Variants in MAPK10 observed in about 807,000 individuals in gnomAD.
MAPK10 encodes the protein mitogen-activated protein kinase 10.
Under a neutral mutation model 59.3 loss-of-function variants are expected in MAPK10, and 25 were observed. The observed-to-expected ratio is 0.42, with a 90% CI of 0.31 to 0.59. The LOEUF (loss-of-function observed/expected upper bound fraction) is 0.59. Among genes scored for constraint, MAPK10 ranks in the 20% least tolerant of loss-of-function variants. The pLI is 0.15. For synonymous variants in MAPK10, 190 were observed against 200.5 expected (o/e 0.95, Z 0.44); for missense variants, 351 against 568.9 (o/e 0.62, Z 3.90).
intron 3 of MAPK10, chr4:86,193,741 GC>G: frequency 6.4e-6 from 1 of 157,476 alleles, no homozygotes; most frequent in Non-Finnish European, 1.4e-5. Context: ...CCTGGCTTCA[GC>G]CCCCTTTCCA....
chr4:86,236,731 G>A (rs1411285507), intron 2 of MAPK10, among the ~76,000 whole-genome samples: 1 of 152,172 alleles, frequency 6.6e-6, no homozygotes, highest in African/African-American at 2.4e-5. Flanking sequence ...TGGTTGAAGA[G>A]GGACTTAGTA....
At chr4:86,504,221 C>T (rs1471313639) in intron 1 of MAPK10, among the ~76,000 whole-genome samples, 1 of 151,976 alleles carries the variant, frequency 6.6e-6, no homozygotes, top group Non-Finnish European at 1.5e-5. Flanking sequence ...TTTCCCAGAG[C>T]CTAAAAGAGC....
intron 1 of MAPK10, among the ~76,000 whole-genome samples, chr4:86,379,960 G>T (rs1205404219): frequency 3.9e-5 from 6 of 152,114 alleles, no homozygotes; most frequent in South Asian, 2.1e-4. Context: ...TTTCGGCAGG[G>T]CGCAGTGGCT....
chr4:86,298,816 A>T (rs939133435), intron 2 of MAPK10, among the ~76,000 whole-genome samples: 10 of 152,196 alleles, frequency 6.6e-5, no homozygotes, highest in African/African-American at 2.2e-4. Flanking sequence ...AAATTCCAAA[A>T]ACTTAAAGCA....
intron 2 of MAPK10, among the ~76,000 whole-genome samples, chr4:86,295,946 C>A (rs867748459): frequency 6.6e-6 from 1 of 151,096 alleles, no homozygotes; most frequent in African/African-American, 2.4e-5. Flanking sequence ...GAGGCCAAAG[C>A]AAGCAGATCA....
chr4:86,549,746 G>A (rs557173018), intron 1 of MAPK10, among the ~76,000 whole-genome samples: 2 of 152,246 alleles, frequency 1.3e-5, no homozygotes, highest in South Asian at 2.1e-4. Context: ...TAAGGAGGCC[G>A]AGGTGTGAGG....
intron 1 of MAPK10, among the ~76,000 whole-genome samples, chr4:86,375,467 T>G (rs570715871): frequency 3.3e-5 from 5 of 152,032 alleles, no homozygotes; most frequent in Non-Finnish European, 5.9e-5. Flanking sequence ...ACACCTGTAA[T>G]CCCAGCACTT....
chr4:86,464,134 A>C (rs1428502660), intron 1 of MAPK10, among the ~76,000 whole-genome samples: 1 of 152,252 alleles, frequency 6.6e-6, no homozygotes, highest in African/African-American at 2.4e-5. Flanking sequence ...AAATAGTCTT[A>C]CTCATTAAAC....
intron 1 of MAPK10, among the ~76,000 whole-genome samples, chr4:86,551,755 C>T (rs1256804811): frequency 6.6e-6 from 1 of 152,144 alleles, no homozygotes; most frequent in African/African-American, 2.4e-5. Flanking sequence ...CAGGAGGGCA[C>T]CACCACACCT....
intron 3 of MAPK10, among the ~76,000 whole-genome samples, chr4:86,169,289 C>A (rs2073165588): frequency 6.6e-6 from 1 of 152,006 alleles, no homozygotes; most frequent in African/African-American, 2.4e-5. Flanking sequence ...AAATTCAAAC[C>A]AAAGGCAAAG....
intron 1 of MAPK10, among the ~76,000 whole-genome samples, chr4:86,517,269 CTTTT>C (rs1176457005): frequency 1.2e-5 from 1 of 84,264 alleles, no homozygotes; most frequent in Admixed American, 1.7e-4. Flanking sequence ...GGTGTATTAT[CTTTT>C]TTTTTTTTTT....
At chr4:86,400,622 G>A in intron 1 of MAPK10, among the ~76,000 whole-genome samples, 1 of 152,086 alleles carries the variant, frequency 6.6e-6, no homozygotes, top group East Asian at 1.9e-4. Flanking sequence ...AAATGTACTT[G>A]AATCAATTTA....
chr4:86,154,591 T>C (rs900390330), intron 4 of MAPK10, among the ~76,000 whole-genome samples: 1 of 152,146 alleles, frequency 6.6e-6, no homozygotes, highest in Non-Finnish European at 1.5e-5. Flanking sequence ...TTCTTGAATC[T>C]ACTAAAAGTC....
chr4:86,039,020 T>C (rs549951290), intron 11 of MAPK10, among the ~76,000 whole-genome samples: 1 of 152,198 alleles, frequency 6.6e-6, no homozygotes, highest in South Asian at 2.1e-4. Flanking sequence ...CTTCAGCAAG[T>C]TTCAGGAACT....
chr4:86,436,427 A>T (rs970720216), intron 1 of MAPK10, among the ~76,000 whole-genome samples: 7 of 152,248 alleles, frequency 4.6e-5, no homozygotes, highest in Non-Finnish European at 1.5e-5. Flanking sequence ...GTGAGTTAAG[A>T]GATAGGAAAA....
At chr4:86,480,335 C>T (rs530525561) in intron 1 of MAPK10, among the ~76,000 whole-genome samples, 103 of 152,040 alleles carry the variant, frequency 6.8e-4, no homozygotes, top group African/African-American at 1.6e-3. Flanking sequence ...CACTCCTGCC[C>T]GCCAGAGAAC....
chr4:86,341,796 T>C (rs537087425), intron 2 of MAPK10, among the ~76,000 whole-genome samples: 158 of 142,336 alleles, frequency 1.1e-3, no homozygotes, highest in Non-Finnish European at 6.7e-4. Context: ...ATGATGACAA[T>C]GGTAATAAAA....
intron 13 of MAPK10, chr4:86,024,479 C>A (rs540634665): frequency 3.9e-5 from 6 of 152,192 alleles, no homozygotes; most frequent in Non-Finnish European, 8.8e-5. Flanking sequence ...CCATACCAGT[C>A]AGCCCCTTAT....
chr4:86,218,488 C>T (rs958272492), intron 2 of MAPK10, among the ~76,000 whole-genome samples: 2 of 135,830 alleles, frequency 1.5e-5, no homozygotes, highest in African/African-American at 2.7e-5. Flanking sequence ...CTTAAAAGTT[C>T]AACATTTTAA....
Sources: allele counts gnomAD v4.1 joint callset (sites outside exome capture counted in the v4.1 genomes callset), GRCh38; gene constraint gnomAD v4.1.1; transcripts MANE v1.5; gene names NCBI Gene and HGNC (gene_info 2026-07-23, HGNC 2026-07-21).